TLK2: variants seen among roughly 807,000 people sequenced by gnomAD.
TLK2 encodes serine/threonine-protein kinase tousled-like 2.
TLK2 carries 6 observed loss-of-function variants against 117.3 expected under a neutral mutation model. That is an observed-to-expected ratio of 0.05 (90% CI 0.03 to 0.10). TLK2 has a LOEUF of 0.10. Ranked by LOEUF, TLK2 falls within the 10% of genes least tolerant of loss-of-function variation. The probability of loss-of-function intolerance (pLI) is 1.00; values close to 1 mark genes in which losing one functional copy is unlikely to be tolerated. For missense variants in TLK2, 299 were observed against 901.2 expected (o/e 0.33, Z 8.56); for synonymous variants, 257 against 316.7 (o/e 0.81, Z 2.00).
At chr17:62,550,169 T>TG (rs2078336575) in intron 7 of TLK2, 1 of 152,108 alleles carries the variant, frequency 6.6e-6, no homozygotes, top group South Asian at 2.1e-4. Context: ...CCAGTAGAGA[T>TG]GGGGTTTCAC....
At chr17:62,595,150 C>T (rs982820922) in intron 16 of TLK2, among the ~76,000 whole-genome samples, 4 of 151,984 alleles carry the variant, frequency 2.6e-5, no homozygotes, top group Middle Eastern at 3.2e-3. Context: ...TTAGTAGAGA[C>T]GGGGTTTCAC....
At chr17:62,560,463 A>G (rs1567920984) in intron 10 of TLK2, among the ~76,000 whole-genome samples, 1 of 152,126 alleles carries the variant, frequency 6.6e-6, no homozygotes, top group Non-Finnish European at 1.5e-5. Flanking sequence ...ATCATTAACA[A>G]TAGTTGCATT....
At position 62,575,264 on chromosome 17, in the gene TLK2, C is replaced by T. The variant is rs545206321; in HGVS notation, c.1122-1445C>T. 5.9e-5 allele frequency among the ~76,000 whole-genome samples: 9 copies of T among 152,332 alleles called. No individual in the cohort carries two copies. In the South Asian group the frequency reaches 1.9e-3, roughly 32 times the overall value. The stretch of plus-strand genomic sequence containing the variant: ...ATCTGTGACTTGGCTCTTACTTTGA[C>T]CAGAAGCCAGAAGTAGGCCTCTGGG... On this transcript the variant is annotated intron_variant, in intron 12 of 21. Coordinates refer to ENST00000346027, the MANE Select transcript of TLK2 (RefSeq NM_006852.6).
At chr17:62,499,367 GT>G (rs1567797244) in intron 2 of TLK2, among the ~76,000 whole-genome samples, 3 of 151,146 alleles carry the variant, frequency 2.0e-5, no homozygotes, top group Non-Finnish European at 4.4e-5. Context: ...GTTTTGCCAC[GT>G]TGCCCAGCCT....
In TLK2 at chr17:62,499,551, G is replaced by C. The variant is rs570928989; in HGVS notation, c.81+18345G>C. Among the ~76,000 whole-genome samples, 69 of 151,924 alleles carry C rather than the reference G, an allele frequency of 4.5e-4. 1 individual carries two copies. In the South Asian group the frequency reaches 0.011, roughly 25 times the overall value. Reference sequence around the variant, plus strand: ...ACCAGAACTCAAGGAGCCATTTGTTGTATAGTATTATTTGTTTGCCAGGCA... The same window carrying C: ...ACCAGAACTCAAGGAGCCATTTGTTCTATAGTATTATTTGTTTGCCAGGCA... On this transcript the variant is annotated intron_variant, in intron 2 of 21. Transcript: ENST00000346027.
At chr17:62,471,583 T>TA (rs1479812750) in intron 1 of TLK2, among the ~76,000 whole-genome samples, 7 of 152,130 alleles carry the variant, frequency 4.6e-5, no homozygotes, top group Non-Finnish European at 1.0e-4. Context: ...CCTCAGAACA[T>TA]AAAGTTTATT....
chr17:62,524,438 T>G (rs1459343095), intron 6 of TLK2, 107 bp downstream of exon 6: 8 of 1,293,460 alleles, frequency 6.2e-6, no homozygotes, highest in Non-Finnish European at 8.4e-6. Context: ...GAATGAAGCA[T>G]TAGGGAGAAA....
chr17:62,550,917 C>T (rs1293380486), intron 7 of TLK2: 1 of 152,544 alleles, frequency 6.6e-6, no homozygotes, highest in Non-Finnish European at 1.5e-5. Flanking sequence ...CTCCCAGGCT[C>T]AAGCAATTCT....
At chr17:62,568,418 C>T (rs1330737774) in intron 11 of TLK2, among the ~76,000 whole-genome samples, 4 of 127,688 alleles carry the variant, frequency 3.1e-5, no homozygotes, top group Non-Finnish European at 6.3e-5. Flanking sequence ...GGTGACAGAG[C>T]GAGACCCTGT....
rs1465078260 is a variant in TLK2, at chr17:62,609,665, A to G, written c.2079+1517A>G. ...AAATGCTGATTTCCTGACTTGTCCT[A>G]GGAGAGCTGGAGAGAGGCTCAGCTT... On this transcript the variant is annotated intron_variant, in intron 21 of 21. Transcript: ENST00000346027. Among the ~76,000 whole-genome samples the G allele has an allele frequency of 2.0e-5, 3 of 152,198 alleles. No individual in the cohort carries two copies. In the South Asian group the frequency reaches 6.2e-4, roughly 32 times the overall value.
intron 15 of TLK2, among the ~76,000 whole-genome samples, chr17:62,583,254 AGC>A (rs2081345765): frequency 1.3e-5 from 2 of 151,980 alleles, no homozygotes. Context: ...CACCAAGCCC[AGC>A]TATTTTTTTT....
intron 2 of TLK2, among the ~76,000 whole-genome samples, chr17:62,482,569 C>A (rs1007179431): frequency 1.3e-5 from 2 of 151,824 alleles, no homozygotes; most frequent in African/African-American, 4.8e-5. Flanking sequence ...CTTGCCTCAG[C>A]ATCCTGAGTA....
chr17:62,553,801 A>G (rs1427052842), intron 9 of TLK2, 46 bp downstream of exon 9: 5 of 1,232,298 alleles, frequency 4.1e-6, no homozygotes, highest in African/African-American at 3.0e-5. Context: ...ACCATTTGTT[A>G]TATATATTTG....
chr17:62,584,056 G>A (rs1395553773), intron 15 of TLK2, among the ~76,000 whole-genome samples: 2 of 150,394 alleles, frequency 1.3e-5, no homozygotes, highest in Non-Finnish European at 3.0e-5. Flanking sequence ...GCTTGAAATA[G>A]CATTGGTGCT....
At chr17:62,556,008 A>G (rs1346013717) in intron 9 of TLK2, among the ~76,000 whole-genome samples, 2 of 151,824 alleles carry the variant, frequency 1.3e-5, no homozygotes, top group Admixed American at 1.3e-4. Context: ...TTTGTCACCC[A>G]GGTTCAAGTG....
At chr17:62,589,310 A>G (rs1014296084) in intron 16 of TLK2, among the ~76,000 whole-genome samples, 3 of 152,220 alleles carry the variant, frequency 2.0e-5, no homozygotes, top group Non-Finnish European at 2.9e-5. Context: ...TATCGGAGTT[A>G]GTATGCTTTT....
chr17:62,566,278 T>A (rs2079789313), intron 11 of TLK2, among the ~76,000 whole-genome samples: 1 of 151,986 alleles, frequency 6.6e-6, no homozygotes, highest in Non-Finnish European at 1.5e-5. Flanking sequence ...GCTTGTTGAG[T>A]ATGAATTGGA....
intron 15 of TLK2, 36 bp downstream of exon 15, chr17:62,580,228 T>G (rs1181980797): frequency 2.7e-6 from 4 of 1,501,852 alleles, no homozygotes; most frequent in Middle Eastern, 4.7e-4. Context: ...GACTGGGGGT[T>G]AAATTATCGG....
chr17:62,481,068 G>A, intron 1 of TLK2, 53 bp from the exon 2 acceptor site: 4 of 1,547,352 alleles, frequency 2.6e-6, no homozygotes, highest in Non-Finnish European at 1.8e-6. Flanking sequence ...ACAGAAAATT[G>A]CCTCCTCACA....
Sources: gnomAD v4.1 joint callset for allele counts (sites outside exome capture counted in the v4.1 genomes callset) on GRCh38, gnomAD v4.1.1 for gene constraint, MANE v1.5 for transcripts, NCBI Gene and HGNC (gene_info 2026-07-23, HGNC 2026-07-21) for gene names.